The following JRK variants were observed in gnomAD, a reference collection of about 807,000 sequenced individuals.
JRK encodes jerky protein homolog.
For missense variants in JRK, 720 were observed against 509.2 expected (o/e 1.41, Z -3.98); for synonymous variants, 303 against 218.1 (o/e 1.39, Z -3.43).
rs1846869785 is a variant in JRK, at chr8:142,660,099, C to T, written c.*4253G>A. On this transcript the variant is annotated 3_prime_UTR_variant, in exon 2 of 2. Transcript: ENST00000612905. ...TGCGGACAGCCAGGCCTGGGGTCTACAAGAGCTGGGCAGGGAAGAGGACAA... is the reference window on the plus strand; with the variant it reads ...TGCGGACAGCCAGGCCTGGGGTCTATAAGAGCTGGGCAGGGAAGAGGACAA... 3.0e-6 allele frequency: 3 copies of T among 985,564 alleles called. No individual in the cohort carries two copies. In the African/African-American group the frequency reaches 5.2e-5, roughly 17 times the overall value. 61.1% of individuals were successfully genotyped at this position (985,564 alleles called of 1,614,324 possible). A position where few individuals can be genotyped will look rare whatever the true frequency, so the allele number is the denominator to read the frequency against.
chr8:142,651,167 G>GA, the JRK span, among the ~76,000 whole-genome samples: 2 of 151,758 alleles, frequency 1.3e-5, no homozygotes, highest in Non-Finnish European at 2.9e-5. Context: ...TCTAAGAGAG[G>GA]AAAAAAACAA....
At chr8:142,652,373 G>A in the JRK span, among the ~76,000 whole-genome samples, 2 of 152,188 alleles carry the variant, frequency 1.3e-5, no homozygotes, top group African/African-American at 4.8e-5. Context: ...CTACATTTTA[G>A]GGAGATATGA....
chr8:142,644,885 GAGTT>G, the JRK span, among the ~76,000 whole-genome samples: 1 of 152,124 alleles, frequency 6.6e-6, no homozygotes, highest in African/African-American at 2.4e-5. Flanking sequence ...ATTTATTAAG[GAGTT>G]AGTTAATGCT....
At chr8:142,647,267 T>A in the JRK span, among the ~76,000 whole-genome samples, 1 of 152,038 alleles carries the variant, frequency 6.6e-6, no homozygotes, top group East Asian at 1.9e-4. Context: ...ACTTAAAATT[T>A]TTTTTCTTAA....
At chr8:142,644,678 G>A in the JRK span, among the ~76,000 whole-genome samples, 17 of 95,118 alleles carry the variant, frequency 1.8e-4, no homozygotes, top group South Asian at 4.8e-3. Context: ...TTTAACCAAA[G>A]TGCTAACTCG....
chr8:142,647,491 C>T, the JRK span, among the ~76,000 whole-genome samples: 2 of 152,104 alleles, frequency 1.3e-5, no homozygotes, highest in African/African-American at 4.8e-5. Flanking sequence ...CCATGCTGTT[C>T]TTGTGATAGT....
Position 142,658,990 on chromosome 8 carries a change from T to A in JRK, c.*5362A>T. Reference sequence around the variant, plus strand: ...TGCTTCATGGAGGAGCGTCAGTATGTCCACACCATAGGGGTGTAGTCACTT... The same window carrying A: ...TGCTTCATGGAGGAGCGTCAGTATGACCACACCATAGGGGTGTAGTCACTT... On this transcript the variant is annotated 3_prime_UTR_variant, in exon 2 of 2. Coordinates refer to ENST00000612905, the MANE Select transcript of JRK (RefSeq NM_003724.4). The A allele has an allele frequency of 1.3e-6, 2 of 1,594,044 alleles. No individual in the cohort carries two copies. Among genetic ancestry groups the A allele is most frequent in the South Asian group, 1.1e-5 (1 of 87,928 alleles).
Position 142,661,218 on chromosome 8 carries a change from A to C in JRK, c.*3134T>G, listed in dbSNP as rs1846905273. On this transcript the variant is annotated 3_prime_UTR_variant, in exon 2 of 2. Transcript: ENST00000612905. ...AGGACAGCGTGCCTGGGGTGCTCGC[A>C]GAAGGCCAGGCTGGCACAGGCAGGA... 1.1e-5 allele frequency: 11 copies of C among 985,612 alleles called. No individual in the cohort carries two copies. The highest frequency in any genetic ancestry group is 1.3e-5 in the Non-Finnish European group (11 of 830,064). 61.1% of individuals were successfully genotyped at this position (985,612 alleles called of 1,614,324 possible).
In JRK at chr8:142,662,539, A is replaced by T; in HGVS notation, c.*1813T>A. 2 of 985,468 alleles carry T rather than the reference A, an allele frequency of 2.0e-6. No individual in the cohort carries two copies. Among genetic ancestry groups the T allele is most frequent in the South Asian group, 9.4e-5 (2 of 21,286 alleles). 61.0% of individuals were successfully genotyped at this position (985,468 alleles called of 1,614,324 possible). A position where few individuals can be genotyped will look rare whatever the true frequency, so the allele number is the denominator to read the frequency against. On this transcript the variant is annotated 3_prime_UTR_variant, in exon 2 of 2. Transcript: ENST00000612905. The stretch of plus-strand genomic sequence containing the variant: ...ACACCACAAAGACAATGGGACACAA[A>T]TGGGAACTGGGACTGTCGTTCAGCA...
At chr8:142,644,195 C>A in the JRK span, among the ~76,000 whole-genome samples, 1 of 152,106 alleles carries the variant, frequency 6.6e-6, no homozygotes, top group African/African-American at 2.4e-5. Context: ...AGTTTTATAG[C>A]TTTTTTACAA....
chr8:142,666,122 T>A lies in JRK; in HGVS notation c.-64A>T. 4 of 1,552,454 alleles carry A rather than the reference T, an allele frequency of 2.6e-6. No individual in the cohort carries two copies. The highest frequency in any genetic ancestry group is 3.5e-6 in the Non-Finnish European group (4 of 1,148,374). ...GCCTGGCCTGGGCTGCTGCCACTAC[T>A]TCCCTCTCCTCCTGCTCCCCTTCTG... On this transcript the variant is annotated 5_prime_UTR_variant, in exon 2 of 2. The change creates a new upstream start codon in the 5' untranslated region. Coordinates refer to ENST00000612905, the MANE Select transcript of JRK (RefSeq NM_003724.4).
Position 142,663,317 on chromosome 8 carries a change from C to T in JRK, c.*1035G>A. The stretch of plus-strand genomic sequence containing the variant: ...GACATGGAGAAAATAACCACATCCT[C>T]TTACAACCGCCTCTGTGAAAACTGA... On this transcript the variant is annotated 3_prime_UTR_variant, in exon 2 of 2. Coordinates refer to ENST00000612905, the MANE Select transcript of JRK (RefSeq NM_003724.4). The T allele has an allele frequency of 1.0e-6, 1 of 985,472 alleles. No homozygotes were observed. Among genetic ancestry groups the T allele is most frequent in the Non-Finnish European group, 1.2e-6 (1 of 829,946 alleles). 61.0% of individuals were successfully genotyped at this position (985,472 alleles called of 1,614,324 possible).
downstream of JRK, among the ~76,000 whole-genome samples, chr8:142,654,036 T>C (rs1192834161): frequency 6.6e-6 from 1 of 152,170 alleles, no homozygotes; most frequent in Non-Finnish European, 1.5e-5. Flanking sequence ...ACAGTAGGGC[T>C]GACTGGCACA....
Position 142,664,185 on chromosome 8 carries a change from G to A in JRK, c.*167C>T. 2 of 1,383,642 alleles carry A rather than the reference G, an allele frequency of 1.4e-6. No homozygotes were observed. Among genetic ancestry groups the A allele is most frequent in the Non-Finnish European group, 1.9e-6 (2 of 1,068,356 alleles). 85.7% of individuals were successfully genotyped at this position (1,383,642 alleles called of 1,614,324 possible). On this transcript the variant is annotated 3_prime_UTR_variant, in exon 2 of 2. Coordinates refer to ENST00000612905, the MANE Select transcript of JRK (RefSeq NM_003724.4). ...TGTATTGACAGGAACCTCGGGCACA[G>A]ACCGTCCTGGGCACCCGAGCCACAC...
rs1015183943 is a variant in JRK at position 142,661,299 on chromosome 8, T to C, written c.*3053A>G. 4.1e-6 allele frequency: 4 copies of C among 985,366 alleles called. No individual in the cohort carries two copies. The African/African-American group carries it at 7.0e-5, about 17-fold the overall frequency. 61.0% of individuals were successfully genotyped at this position (985,366 alleles called of 1,614,324 possible). ...AAGGGGCTGAAAGACCACCTACCCATCCTAACCCCTGAATTCACCATGCCA... is the reference window on the plus strand; with the variant it reads ...AAGGGGCTGAAAGACCACCTACCCACCCTAACCCCTGAATTCACCATGCCA... On this transcript the variant is annotated 3_prime_UTR_variant, in exon 2 of 2. Transcript: ENST00000612905.
Position 142,658,722 on chromosome 8 carries a change from C to T in JRK, c.*5630G>A. The T allele has an allele frequency of 1.4e-6, 2 of 1,418,648 alleles. No homozygotes were observed. The highest frequency in any genetic ancestry group is 1.5e-5 in the South Asian group (1 of 66,928). The allele number at this position is 1,418,648 out of a possible 1,614,324, so 87.9% of individuals were successfully genotyped here. On this transcript the variant is annotated 3_prime_UTR_variant, in exon 2 of 2. Transcript: ENST00000612905. ...AACATATAAACTTTGGGGGGGGACA[C>T]AAACATGCAGTCCTTAACACCATCG... is the stretch of plus-strand genomic sequence containing the variant.
chr8:142,668,166 AG>A (rs1847192249), intron 1 of JRK, among the ~76,000 whole-genome samples: 1 of 152,254 alleles, frequency 6.6e-6, no homozygotes, highest in South Asian at 2.1e-4. Flanking sequence ...TCCTTACCAT[AG>A]CTGCTTCTGC....
chr8:142,667,695 C>T (rs1847175022), intron 1 of JRK, among the ~76,000 whole-genome samples: 1 of 152,220 alleles, frequency 6.6e-6, no homozygotes, highest in Non-Finnish European at 1.5e-5. Context: ...GTTTCACACA[C>T]ACCTTTGACC....
intron 1 of JRK, among the ~76,000 whole-genome samples, chr8:142,666,991 G>A (rs1276342289): frequency 6.6e-6 from 1 of 152,156 alleles, no homozygotes; most frequent in Non-Finnish European, 1.5e-5. Context: ...AGGGGTGGAG[G>A]GATGCAGGGA....
Sources: allele counts gnomAD v4.1 joint callset (sites outside exome capture counted in the v4.1 genomes callset), GRCh38; gene constraint gnomAD v4.1.1; transcripts MANE v1.5; gene names NCBI Gene and HGNC (gene_info 2026-07-23, HGNC 2026-07-21).